The following TAAR5 variants were observed in gnomAD, a reference collection of about 807,000 sequenced individuals.
The protein encoded by TAAR5 is trace amine-associated receptor 5.
TAAR5 carries 27 observed loss-of-function variants against 21.1 expected under a neutral mutation model. The observed-to-expected ratio is 1.28, with a 90% CI of 0.94 to 1.76. TAAR5 has a LOEUF of 1.76. Among genes scored for constraint, TAAR5 ranks in the 40% most tolerant of loss-of-function variants. The pLI, the probability that TAAR5 is intolerant of heterozygous loss-of-function variation, is 0.00. For synonymous variants in TAAR5, 203 were observed against 167.5 expected, an observed-to-expected ratio of 1.21 and a Z score of -1.64; for missense variants, 495 against 405.6, an observed-to-expected ratio of 1.22 and a Z score of -1.89.
chr6:132,596,673 A>G, the TAAR5 span, among the ~76,000 whole-genome samples: 1 of 152,168 alleles, frequency 6.6e-6, no homozygotes, highest in Non-Finnish European at 1.5e-5. Flanking sequence ...TTTTTTAAAT[A>G]CCAATCAAAT....
At chr6:132,612,910 C>T in the TAAR5 span, among the ~76,000 whole-genome samples, 5 of 152,150 alleles carry the variant, frequency 3.3e-5, no homozygotes, top group African/African-American at 9.7e-5. Flanking sequence ...ACCCTAGTTG[C>T]CCCTATGACC....
At chr6:132,612,020 G>T in the TAAR5 span, among the ~76,000 whole-genome samples, 1 of 151,994 alleles carries the variant, frequency 6.6e-6, no homozygotes, top group Non-Finnish European at 1.5e-5. Flanking sequence ...TTATATTGAG[G>T]ATATGTTTCT....
chr6:132,614,092 G>A, the TAAR5 span, among the ~76,000 whole-genome samples: 5 of 152,286 alleles, frequency 3.3e-5, no homozygotes, highest in African/African-American at 1.2e-4. Context: ...CAAATTACAT[G>A]TACAAAGAAG....
At chr6:132,612,335 C>T in the TAAR5 span, among the ~76,000 whole-genome samples, 2 of 152,140 alleles carry the variant, frequency 1.3e-5, no homozygotes, top group African/African-American at 4.8e-5. Context: ...TTAAAAATAT[C>T]TGTGTTGTTT....
the TAAR5 span, among the ~76,000 whole-genome samples, chr6:132,599,323 C>CTT: frequency 3.0e-4 from 30 of 98,460 alleles, no homozygotes; most frequent in East Asian, 6.6e-4. Flanking sequence ...CTTTTCTTTT[C>CTT]TTTTTTTTTT....
the TAAR5 span, among the ~76,000 whole-genome samples, chr6:132,610,717 A>G: frequency 6.6e-6 from 1 of 152,004 alleles, no homozygotes; most frequent in African/African-American, 2.4e-5. Flanking sequence ...GTTCCATGTG[A>G]CTCCCTTGTT....
At chr6:132,599,679 C>T in the TAAR5 span, among the ~76,000 whole-genome samples, 391 of 152,256 alleles carry the variant, frequency 2.6e-3, no homozygotes, top group Non-Finnish European at 4.3e-3. Context: ...TTTAAATCAA[C>T]TGGTAAGGAC....
chr6:132,612,729 C>T, the TAAR5 span, among the ~76,000 whole-genome samples: 3 of 152,124 alleles, frequency 2.0e-5, no homozygotes, highest in Non-Finnish European at 1.5e-5. Flanking sequence ...AATGTTTGCA[C>T]CTTATCTACC....
chr6:132,588,986 G>T lies in TAAR5; in HGVS notation c.701C>A (p.Thr234Asn), dbSNP rs371008174. 10 of 1,613,930 alleles carry T rather than the reference G, an allele frequency of 6.2e-6. No homozygotes were observed. In the African/African-American group the frequency reaches 1.3e-4, roughly 22 times the overall value. ...VVATRQAQQITTLSKSLAGAA... is the reference protein window; with the variant it reads ...VVATRQAQQINTLSKSLAGAA... ...CCCAGCCAGGCTTTTGCTCAATGTGGTAATCTGCTGAGCCTGTCTGGTAGC... is the reference window on the plus strand; with the variant it reads ...CCCAGCCAGGCTTTTGCTCAATGTGTTAATCTGCTGAGCCTGTCTGGTAGC... Residue 234 changes from threonine to asparagine, a missense_variant, in exon 1 of 1, where the codon ACC becomes AAC. Coordinates refer to ENST00000258034, the MANE Select transcript of TAAR5 (RefSeq NM_003967.3).
the TAAR5 span, among the ~76,000 whole-genome samples, chr6:132,612,094 G>T: frequency 0.15 from 22,861 of 152,082 alleles, 4,341 homozygotes; most frequent in African/African-American, 0.45. Flanking sequence ...CCAAGGAAAT[G>T]TTGTGAACAT....
the TAAR5 span, chr6:132,608,794 A>G: frequency 2.2e-6 from 1 of 456,024 alleles, no homozygotes; most frequent in South Asian, 1.5e-5. Flanking sequence ...ACCAAAAGAA[A>G]AAAGAGCAGG....
chr6:132,607,779 G>A, the TAAR5 span, among the ~76,000 whole-genome samples: 1 of 152,116 alleles, frequency 6.6e-6, no homozygotes, highest in Non-Finnish European at 1.5e-5. Flanking sequence ...ATATGATAAG[G>A]CAGGCCGCTA....
At chr6:132,614,952 G>C in the TAAR5 span, among the ~76,000 whole-genome samples, 103,028 of 152,008 alleles carry the variant, frequency 0.68, 35,999 homozygotes, top group African/African-American at 0.85. Context: ...CAACCTCCGC[G>C]TCCTGGGTTC....
Position 132,589,390 on chromosome 6 carries a change from G to C in TAAR5, c.297C>G (p.Cys99Trp). 6.2e-7 allele frequency: 1 copy of C among 1,614,094 alleles called. No individual in the cohort carries two copies. Reference protein sequence around the residue: ...PLSTIRSVESCWFFGDFLCRL... With the variant: ...PLSTIRSVESWWFFGDFLCRL... ...GGCAGAGGAAGTCCCCGAAGAACCAGCAGCTCTCCACTGAGCGAATGGTGC... is the reference window on the plus strand; with the variant it reads ...GGCAGAGGAAGTCCCCGAAGAACCACCAGCTCTCCACTGAGCGAATGGTGC... The change falls in exon 1 of 1, where the codon TGC becomes TGG. Residue 99 changes from cysteine to tryptophan, a missense_variant. Transcript: ENST00000258034.
upstream of TAAR5, chr6:132,594,473 C>G (rs187301152): frequency 6.6e-6 from 1 of 152,122 alleles, no homozygotes; most frequent in East Asian, 1.9e-4. Flanking sequence ...CAATGCCTTG[C>G]GAAACCAAGG....
the TAAR5 span, among the ~76,000 whole-genome samples, chr6:132,596,456 A>C: frequency 6.6e-6 from 1 of 152,194 alleles, no homozygotes; most frequent in Non-Finnish European, 1.5e-5. Flanking sequence ...CCTTTGGGAA[A>C]ATGAACCCAC....
the TAAR5 span, among the ~76,000 whole-genome samples, chr6:132,613,458 T>C: frequency 6.6e-6 from 1 of 152,224 alleles, no homozygotes; most frequent in Admixed American, 6.5e-5. Flanking sequence ...ATCTATTATG[T>C]TGAATCACAT....
the TAAR5 span, among the ~76,000 whole-genome samples, chr6:132,602,610 C>T: frequency 6.6e-6 from 1 of 152,014 alleles, no homozygotes; most frequent in Admixed American, 6.6e-5. Flanking sequence ...TAGCTCAGTT[C>T]CTAACAGTCC....
In TAAR5 at chr6:132,589,689, A is replaced by G. The variant is rs1297306780; in HGVS notation, c.-3T>C. ...CCTTGGATGAAGACAGCTCTCATTT[A>G]TGATTTCTACTCTTCCTCTGTCTGA... On this transcript the variant is annotated 5_prime_UTR_variant, in exon 1 of 1. Transcript: ENST00000258034. 1.5e-6 allele frequency: 2 copies of G among 1,303,906 alleles called. No homozygotes were observed. The highest frequency in any genetic ancestry group is 2.6e-5 in the South Asian group (2 of 77,644). 80.8% of individuals were successfully genotyped at this position (1,303,906 alleles called of 1,614,324 possible). A position where few individuals can be genotyped will look rare whatever the true frequency, so the allele number is the denominator to read the frequency against.
Sources: gnomAD v4.1 joint callset for allele counts (sites outside exome capture counted in the v4.1 genomes callset) on GRCh38, gnomAD v4.1.1 for gene constraint, MANE v1.5 for transcripts, NCBI Gene and HGNC (gene_info 2026-07-23, HGNC 2026-07-21) for gene names.